Variants in CCDC186 observed in about 807,000 individuals in gnomAD.
CCDC186 encodes the protein coiled-coil domain-containing protein 186.
A neutral mutation model predicts 113.7 loss-of-function variants in CCDC186; 49 were observed. That is an observed-to-expected ratio of 0.43 (90% CI 0.34 to 0.55). The LOEUF is 0.55. Ranked by LOEUF, CCDC186 falls within the 20% of genes least tolerant of loss-of-function variation. CCDC186 has a pLI of 0.02. For synonymous variants in CCDC186, 355 were observed against 345.8 expected, an observed-to-expected ratio of 1.03 and a Z score of -0.30; for missense variants, 890 against 1,011.1, an observed-to-expected ratio of 0.88 and a Z score of 1.62.
chr10:114,149,770 AAGGAAGGCAGGAAGGC>A (rs1351841768), intron 4 of CCDC186, among the ~76,000 whole-genome samples: 5 of 54,176 alleles, frequency 9.2e-5, no homozygotes, highest in Non-Finnish European at 2.2e-4. Flanking sequence ...GGAAGGAAGG[AAGGAAGGCAGGAAGGC>A]AGGAAGGAAG....
intron 4 of CCDC186, among the ~76,000 whole-genome samples, chr10:114,150,759 C>T (rs1178444512): frequency 6.6e-6 from 1 of 152,166 alleles, no homozygotes; most frequent in Non-Finnish European, 1.5e-5. Flanking sequence ...AGTGATTCTC[C>T]TGCCTCAGCC....
chr10:114,168,579 C>T (rs116660040), intron 1 of CCDC186, among the ~76,000 whole-genome samples: 1,605 of 152,266 alleles, frequency 0.011, 20 homozygotes, highest in African/African-American at 0.037. Context: ...ACTAAACTGG[C>T]TCGACTGGTC....
intron 1 of CCDC186, among the ~76,000 whole-genome samples, chr10:114,170,821 A>G (rs1023870592): frequency 6.6e-6 from 1 of 152,072 alleles, no homozygotes; most frequent in Non-Finnish European, 1.5e-5. Context: ...ACACACAAAG[A>G]TGTTTAAAAA....
chr10:114,137,164 C>G, intron 7 of CCDC186, 22 bp downstream of exon 7: 1 of 1,533,262 alleles, frequency 6.5e-7, no homozygotes, highest in Non-Finnish European at 9.0e-7. Context: ...TGATACTAAT[C>G]TATTTTAAAA....
chr10:114,127,658 A>C lies in CCDC186; in HGVS notation c.2196T>G (p.Ala732=), dbSNP rs922064126. Residue 732 remains alanine, a synonymous_variant, in exon 14 of 16, where the codon GCT becomes GCG. Coordinates refer to ENST00000369287, the MANE Select transcript of CCDC186 (RefSeq NM_018017.4). ...SRSSSSGSLN[A]RSSAEDRSPE... ...GAGATCGATCTTCTGCACTGCTTCGAGCATTCAGGGACCCTGAAGACAAAA... is the reference window on the plus strand; with the variant it reads ...GAGATCGATCTTCTGCACTGCTTCGCGCATTCAGGGACCCTGAAGACAAAA... 2 of 1,613,724 alleles carry C rather than the reference A, an allele frequency of 1.2e-6. No homozygotes were observed.
At chr10:114,145,782 AG>A (rs1452242670) in intron 4 of CCDC186, 21 bp from the exon 5 acceptor site, 1 of 1,549,324 alleles carries the variant, frequency 6.5e-7, no homozygotes, top group Admixed American at 2.2e-5. Context: ...AATATTACTT[AG>A]CATTAATGAA....
chr10:114,130,443 G>T (rs1026774124), intron 12 of CCDC186: 1 of 153,138 alleles, frequency 6.5e-6, no homozygotes, highest in Non-Finnish European at 1.5e-5. Context: ...GTTGAAATAC[G>T]TGTCTTATTT....
chr10:114,149,755 AGG>A (rs2031777135), intron 4 of CCDC186, among the ~76,000 whole-genome samples: 1 of 17,964 alleles, frequency 5.6e-5, no homozygotes, highest in Non-Finnish European at 1.3e-4. Context: ...GCAGGAAGGC[AGG>A]AAGGAAGGAA....
At chr10:114,126,146 A>G (rs558183099) in intron 14 of CCDC186, 41 bp from the exon 15 acceptor site, 5 of 1,520,906 alleles carry the variant, frequency 3.3e-6, no homozygotes, top group Admixed American at 3.7e-5. Context: ...TACTTGTAGA[A>G]TTAAAAAAAA....
chr10:114,137,143 T>G, intron 7 of CCDC186, 43 bp downstream of exon 7: 2 of 1,432,448 alleles, frequency 1.4e-6, no homozygotes, highest in Non-Finnish European at 2.0e-6. Flanking sequence ...GAACTGATAT[T>G]TGCTAAAATT....
chr10:114,163,340 G>C lies in CCDC186; in HGVS notation c.-61-11C>G. ...ATCTTCGTTTTACATCTAAGAAATTGAAACATCAAAATTAAAAACCACTTT... is the reference window on the plus strand; with the variant it reads ...ATCTTCGTTTTACATCTAAGAAATTCAAACATCAAAATTAAAAACCACTTT... On this transcript the variant is annotated splice_polypyrimidine_tract_variant and intron_variant, in intron 1 of 15. Transcript: ENST00000369287. 6.5e-7 allele frequency: 1 copy of C among 1,531,258 alleles called. No individual in the cohort carries two copies. The highest frequency in any genetic ancestry group is 8.7e-7 in the Non-Finnish European group (1 of 1,151,066). 94.9% of individuals were successfully genotyped at this position (1,531,258 alleles called of 1,614,324 possible). A position where few individuals can be genotyped will look rare whatever the true frequency, so the allele number is the denominator to read the frequency against.
intron 10 of CCDC186, 47 bp from the exon 11 acceptor site, chr10:114,132,231 CATTAA>C: frequency 2.3e-6 from 3 of 1,324,586 alleles, no homozygotes; most frequent in Non-Finnish European, 2.0e-6. Flanking sequence ...CATTAAAAGA[CATTAA>C]ATTAATGGTT....
chr10:114,155,640 AC>A (rs1345111568), intron 3 of CCDC186, among the ~76,000 whole-genome samples: 1 of 152,150 alleles, frequency 6.6e-6, no homozygotes, highest in African/African-American at 2.4e-5. Flanking sequence ...GCGCCATTGC[AC>A]CCCAGCCTGG....
At chr10:114,163,478 G>A in intron 1 of CCDC186, 149 bp from the exon 2 acceptor site, 1 of 669,052 alleles carries the variant, frequency 1.5e-6, no homozygotes, top group Non-Finnish European at 2.3e-6. Context: ...AAAAGAAAAA[G>A]GACTAGGACA....
intron 6 of CCDC186, among the ~76,000 whole-genome samples, chr10:114,143,406 A>G (rs981810370): frequency 6.6e-6 from 1 of 152,224 alleles, no homozygotes; most frequent in African/African-American, 2.4e-5. Flanking sequence ...GAGAATCATT[A>G]CTGTTTTTAT....
At chr10:114,143,726 T>C (rs188215937) in intron 6 of CCDC186, among the ~76,000 whole-genome samples, 1 of 152,332 alleles carries the variant, frequency 6.6e-6, no homozygotes, top group Admixed American at 6.5e-5. Context: ...TTAGAACTAT[T>C]TAATGCGGTA....
At chr10:114,166,984 G>T (rs1422449557) in intron 1 of CCDC186, among the ~76,000 whole-genome samples, 3 of 149,056 alleles carry the variant, frequency 2.0e-5, no homozygotes, top group Non-Finnish European at 4.4e-5. Flanking sequence ...CATGTAAATT[G>T]GCATGTGATA....
chr10:114,164,114 A>ATTTTTT lies in CCDC186; in HGVS notation c.-61-791_-61-786dup, dbSNP rs35615169. Among the ~76,000 whole-genome samples, 20 of 79,218 alleles carry ATTTTTT rather than the reference A, an allele frequency of 2.5e-4. 1 individual carries two copies. The highest frequency in any genetic ancestry group is 9.3e-4 in the African/African-American group (19 of 20,532). The allele number at this position is 79,218 out of a possible 152,430, so 52.0% of individuals were successfully genotyped here. ...TGTGTGTGTGTGTGTATATATATAT[A>ATTTTTT]TTTTTTTTTTTTTTTTTTTTTTTGG... On this transcript the variant is annotated intron_variant, in intron 1 of 15. Coordinates refer to ENST00000369287, the MANE Select transcript of CCDC186 (RefSeq NM_018017.4).
At chr10:114,144,101 T>C (rs1021882683) in intron 6 of CCDC186, among the ~76,000 whole-genome samples, 1 of 152,060 alleles carries the variant, frequency 6.6e-6, no homozygotes, top group Non-Finnish European at 1.5e-5. Context: ...ATTGATTTTT[T>C]AAAATTTCTA....
Sources: allele counts gnomAD v4.1 joint callset (sites outside exome capture counted in the v4.1 genomes callset), GRCh38; gene constraint gnomAD v4.1.1; transcripts MANE v1.5; gene names NCBI Gene and HGNC (gene_info 2026-07-23, HGNC 2026-07-21).